The following GRAMD1B variants were observed in gnomAD, a reference collection of about 807,000 sequenced individuals.
GRAMD1B encodes GRAM domain containing 1B, also known as protein Aster-B.
A neutral mutation model predicts 99.7 loss-of-function variants in GRAMD1B; 37 were observed. The observed-to-expected ratio is 0.37, with a 90% CI of 0.29 to 0.49. GRAMD1B has a LOEUF of 0.49. Among genes scored for constraint, GRAMD1B ranks in the 20% least tolerant of loss-of-function variants. GRAMD1B has a pLI of 0.98. For missense variants in GRAMD1B, 888 were observed against 1,009.2 expected (o/e 0.88, Z 1.63); for synonymous variants, 427 against 387.6 (o/e 1.10, Z -1.19).
intron 1 of GRAMD1B, among the ~76,000 whole-genome samples, chr11:123,412,017 T>C (rs1287508964): frequency 1.3e-5 from 2 of 152,168 alleles, no homozygotes; most frequent in Non-Finnish European, 2.9e-5. Flanking sequence ...AATTATGTTA[T>C]ATATAAATAC....
chr11:123,415,554 C>T (rs987250512), intron 1 of GRAMD1B, among the ~76,000 whole-genome samples: 6 of 151,736 alleles, frequency 4.0e-5, no homozygotes, highest in East Asian at 1.9e-4. Context: ...GCCTTCAGGA[C>T]GCCTTAGGTC....
chr11:123,522,213 G>A (rs890757178), intron 2 of GRAMD1B, among the ~76,000 whole-genome samples: 16 of 152,318 alleles, frequency 1.1e-4, no homozygotes, highest in African/African-American at 3.1e-4. Context: ...GATAAAGAGG[G>A]AAGTTAGATG....
chr11:123,422,037 T>C (rs2136032625), intron 1 of GRAMD1B, among the ~76,000 whole-genome samples: 1 of 152,332 alleles, frequency 6.6e-6, no homozygotes, highest in Middle Eastern at 3.4e-3. Flanking sequence ...AAAAAGACGT[T>C]GTAGATTACC....
chr11:123,468,780 A>T (rs10893043), intron 1 of GRAMD1B, among the ~76,000 whole-genome samples: 31,133 of 133,124 alleles, frequency 0.23, 3,514 homozygotes, highest in African/African-American at 0.25. Flanking sequence ...AGGGTGACAG[A>T]TTGAGACCCT....
In GRAMD1B at chr11:123,511,703, C is replaced by A. The variant is rs557411284; in HGVS notation, c.452+30810C>A. 1.3e-5 allele frequency among the ~76,000 whole-genome samples: 2 copies of A among 152,260 alleles called. 1 individual carries two copies. Among genetic ancestry groups the A allele is most frequent in the South Asian group, 4.1e-4 (2 of 4,828 alleles). On this transcript the variant is annotated intron_variant, in intron 2 of 19. Transcript: ENST00000635736. ...GATGGAAGACTGGACAAGGCTCAGA[C>A]TTCTGGAGCAGGTTGGGTATCCTGT...
chr11:123,529,578 A>G (rs2714067), intron 2 of GRAMD1B, among the ~76,000 whole-genome samples: 84,555 of 152,010 alleles, frequency 0.56, 23,678 homozygotes, highest in Middle Eastern at 0.63. Context: ...GAGGAGACTG[A>G]GAGAGGAGGT....
intron 14 of GRAMD1B, among the ~76,000 whole-genome samples, chr11:123,611,935 G>A (rs1348343598): frequency 1.3e-5 from 2 of 152,170 alleles, no homozygotes. Context: ...AAAGAGCAGG[G>A]CTGCTGCATA....
At chr11:123,599,244 T>A in intron 7 of GRAMD1B, 1 of 751,406 alleles carries the variant, frequency 1.3e-6, no homozygotes, top group Non-Finnish European at 2.5e-6. Context: ...ACCGAGCTCC[T>A]CCTTTCGTAA....
At chr11:123,593,985 T>G in intron 4 of GRAMD1B, 97 bp from the exon 5 acceptor site, 1 of 855,794 alleles carries the variant, frequency 1.2e-6, no homozygotes, top group African/African-American at 1.7e-5. Context: ...TCATCTTTGC[T>G]TTTTAAACAC....
chr11:123,466,422 AAAAG>A (rs1433372080), intron 1 of GRAMD1B, among the ~76,000 whole-genome samples: 60 of 151,710 alleles, frequency 4.0e-4, no homozygotes, highest in African/African-American at 1.1e-3. Flanking sequence ...AAGAAAGAGA[AAAAG>A]AAAGAAAGGA....
chr11:123,509,575 G>T (rs1478511419), intron 2 of GRAMD1B, among the ~76,000 whole-genome samples: 2 of 152,244 alleles, frequency 1.3e-5, no homozygotes, highest in Admixed American at 1.3e-4. Flanking sequence ...CTGTTGTATG[G>T]ATGCCAGCTC....
At chr11:123,537,548 T>A (rs1944093255) in intron 2 of GRAMD1B, among the ~76,000 whole-genome samples, 1 of 152,212 alleles carries the variant, frequency 6.6e-6, no homozygotes, top group Admixed American at 6.5e-5. Context: ...AGGCTTCTTC[T>A]CGATCTGAAA....
chr11:123,539,251 A>G (rs1022078193), intron 2 of GRAMD1B, among the ~76,000 whole-genome samples: 2 of 151,922 alleles, frequency 1.3e-5, no homozygotes, highest in Non-Finnish European at 2.9e-5. Flanking sequence ...ACTCCAAACA[A>G]TTGGGTCCAA....
At chr11:123,397,216 C>A (rs1235968716) in intron 1 of GRAMD1B, among the ~76,000 whole-genome samples, 1 of 152,066 alleles carries the variant, frequency 6.6e-6, no homozygotes, top group African/African-American at 2.4e-5. Context: ...CCAGCCTGGC[C>A]AACATGGCGA....
chr11:123,360,983 A>AT lies in GRAMD1B; in HGVS notation c.-176+2190dup, dbSNP rs529906278. Among the ~76,000 whole-genome samples the AT allele has an allele frequency of 3.3e-3, 503 of 151,856 alleles. 5 individuals are homozygous for AT. The highest frequency in any genetic ancestry group is 0.011 in the African/African-American group (453 of 41,374). On this transcript the variant is annotated intron_variant, in intron 1 of 20. Transcript: ENST00000638157. Reference sequence around the variant, plus strand: ...AGGCGCCCACCACCATGCTCAGCTAATTTTTTGTATTTTTACTAGAGATGG... The same window carrying AT: ...AGGCGCCCACCACCATGCTCAGCTAATTTTTTTGTATTTTTACTAGAGATGG...
intron 2 of GRAMD1B, among the ~76,000 whole-genome samples, chr11:123,543,313 A>G (rs1208753967): frequency 1.3e-5 from 2 of 152,232 alleles, no homozygotes; most frequent in African/African-American, 2.4e-5. Context: ...CAGTGAAAGA[A>G]TAAAAATATA....
At chr11:123,421,050 G>A (rs868688316) in intron 1 of GRAMD1B, among the ~76,000 whole-genome samples, 3 of 152,172 alleles carry the variant, frequency 2.0e-5, no homozygotes, top group South Asian at 4.1e-4. Context: ...GCAAGACCAC[G>A]TAAGTTAATT....
At chr11:123,366,066 C>A (rs937963285) in intron 1 of GRAMD1B, among the ~76,000 whole-genome samples, 2 of 152,208 alleles carry the variant, frequency 1.3e-5, no homozygotes, top group Non-Finnish European at 2.9e-5. Flanking sequence ...TGAAGTCTTT[C>A]TTCATCTTGG....
At chr11:123,594,702 C>T (rs1318393110) in intron 5 of GRAMD1B, 33 bp from the exon 6 acceptor site, 1 of 1,154,614 alleles carries the variant, frequency 8.7e-7, no homozygotes, top group Admixed American at 1.7e-5. Flanking sequence ...TGCTTCCTGC[C>T]TCTGAGCTCC....
Sources: allele counts gnomAD v4.1 joint callset (sites outside exome capture counted in the v4.1 genomes callset), GRCh38; gene constraint gnomAD v4.1.1; transcripts MANE v1.5; gene names NCBI Gene and HGNC (gene_info 2026-07-23, HGNC 2026-07-21).